The following ARHGEF12 variants were observed in gnomAD, a reference collection of about 807,000 sequenced individuals.
ARHGEF12 encodes Rho guanine nucleotide exchange factor 12, also known as KMT2A/ARHGEF12 fusion protein.
Under a neutral mutation model 211.2 loss-of-function variants are expected in ARHGEF12, and 66 were observed. The ratio of observed to expected loss-of-function variants is 0.31; its 90% CI spans 0.26 to 0.38. The LOEUF is 0.38. Among genes scored for constraint, ARHGEF12 ranks in the 10% least tolerant of loss-of-function variants. The probability of loss-of-function intolerance (pLI) is 1.00; values close to 1 mark genes in which losing one functional copy is unlikely to be tolerated. For missense variants in ARHGEF12, 1,429 were observed against 1,869.5 expected (o/e 0.76, Z 4.34); for synonymous variants, 592 against 638.4 (o/e 0.93, Z 1.09).
At position 120,448,328 on chromosome 11, in the gene ARHGEF12, G is replaced by A; in HGVS notation, c.1717G>A (p.Gly573Arg). 6.2e-7 allele frequency: 1 copy of A among 1,614,008 alleles called. No individual in the cohort carries two copies. The highest frequency in any genetic ancestry group is 8.5e-7 in the Non-Finnish European group (1 of 1,179,942). The stretch of plus-strand genomic sequence containing the variant: ...TTTGGAGCACAAACGGGGTCGGATT[G>A]GATTTCTTCCCAAAATCAAGGTAAG... The part of the protein sequence containing the change: ...RNLEHKRGRI[G>R]FLPKIKQSMK... Residue 573 changes from glycine to arginine, a missense_variant, in exon 20 of 41, where the codon GGA becomes AGA. Gly to Arg is a moderately radical substitution (Grantham distance 125). This residue lies in a region of ARHGEF12 where 373 missense variants were observed against 467.5 expected (regional missense o/e 0.80). Coordinates refer to ENST00000397843, the MANE Select transcript of ARHGEF12 (RefSeq NM_015313.3).
chr11:120,441,539 G>C (rs903457919), intron 13 of ARHGEF12, among the ~76,000 whole-genome samples, 168 bp from the exon 14 acceptor site: 13 of 152,298 alleles, frequency 8.5e-5, no homozygotes, highest in African/African-American at 3.1e-4. Flanking sequence ...TTCACAGAAA[G>C]AGATTCCATA....
chr11:120,429,405 GGTT>G (rs759671236), intron 8 of ARHGEF12, 32 bp from the exon 9 acceptor site: 1 of 1,550,580 alleles, frequency 6.4e-7, no homozygotes, highest in Non-Finnish European at 8.9e-7. Context: ...TGTCTATACT[GGTT>G]GTTGTTTGTT....
chr11:120,466,405 G>A (rs1006999342), intron 28 of ARHGEF12, among the ~76,000 whole-genome samples: 1 of 152,222 alleles, frequency 6.6e-6, no homozygotes, highest in African/African-American at 2.4e-5. Context: ...CAGGCCAGTA[G>A]GAATGTGGCT....
At chr11:120,432,834 C>T (rs1591585051) in intron 11 of ARHGEF12, among the ~76,000 whole-genome samples, 1 of 152,284 alleles carries the variant, frequency 6.6e-6, no homozygotes, top group East Asian at 1.9e-4. Flanking sequence ...TCTAAGCCAT[C>T]ATTCAGGCTA....
At chr11:120,378,884 G>A (rs1943803810) in intron 1 of ARHGEF12, among the ~76,000 whole-genome samples, 1 of 152,094 alleles carries the variant, frequency 6.6e-6, no homozygotes, top group South Asian at 2.1e-4. Flanking sequence ...TTTAAATAAG[G>A]TAATATAAGT....
At chr11:120,374,917 T>G (rs775791627) in intron 1 of ARHGEF12, among the ~76,000 whole-genome samples, 58 of 152,160 alleles carry the variant, frequency 3.8e-4, no homozygotes, top group Non-Finnish European at 7.5e-4. Context: ...ATTTCATAAA[T>G]TTTTGGATAT....
chr11:120,404,384 A>G (rs1305398670), intron 1 of ARHGEF12, among the ~76,000 whole-genome samples: 2 of 152,230 alleles, frequency 1.3e-5, no homozygotes, highest in Non-Finnish European at 2.9e-5. Flanking sequence ...ATGTACACAT[A>G]TATTTATTTG....
At chr11:120,398,681 C>T (rs1795064931) in intron 1 of ARHGEF12, among the ~76,000 whole-genome samples, 1 of 151,902 alleles carries the variant, frequency 6.6e-6, no homozygotes, top group Non-Finnish European at 1.5e-5. Flanking sequence ...CTCTTTAGTA[C>T]AAAACCAAAA....
intron 39 of ARHGEF12, among the ~76,000 whole-genome samples, chr11:120,482,310 T>C (rs1199052959): frequency 1.3e-5 from 2 of 152,200 alleles, no homozygotes; most frequent in African/African-American, 4.8e-5. Context: ...CCAAATCCTA[T>C]GACAGATAGA....
At chr11:120,448,431 TTTAC>T (rs1828133833) in intron 20 of ARHGEF12, 83 bp downstream of exon 20, 3 of 995,708 alleles carry the variant, frequency 3.0e-6, no homozygotes, top group Admixed American at 4.5e-5. Context: ...CATCTTAGTA[TTTAC>T]TTAATCAGCA....
At chr11:120,420,722 C>A in intron 4 of ARHGEF12, 31 bp from the exon 5 acceptor site, 1 of 1,567,908 alleles carries the variant, frequency 6.4e-7, no homozygotes. Flanking sequence ...TTTTCTCTTC[C>A]TTCTTGTTTT....
intron 12 of ARHGEF12, among the ~76,000 whole-genome samples, chr11:120,438,150 A>G (rs962915242): frequency 6.6e-6 from 1 of 152,226 alleles, no homozygotes; most frequent in Non-Finnish European, 1.5e-5. Context: ...ACAGTTTTGT[A>G]GTAAAAGATA....
At chr11:120,350,104 C>T (rs1942889453) in intron 1 of ARHGEF12, among the ~76,000 whole-genome samples, 1 of 152,108 alleles carries the variant, frequency 6.6e-6, no homozygotes, top group Admixed American at 6.5e-5. Flanking sequence ...AATGCCTGTT[C>T]TGTGTAGGTC....
At chr11:120,367,903 T>C (rs927569456) in intron 1 of ARHGEF12, among the ~76,000 whole-genome samples, 1 of 151,040 alleles carries the variant, frequency 6.6e-6, no homozygotes, top group Non-Finnish European at 1.5e-5. Flanking sequence ...GCCTGGGAGG[T>C]TGAGGAGGTT....
intron 22 of ARHGEF12, among the ~76,000 whole-genome samples, chr11:120,455,568 G>A (rs476636): frequency 0.82 from 125,526 of 152,180 alleles, 52,133 homozygotes; most frequent in East Asian, 0.94. Context: ...CTTTCCCTTT[G>A]AAATCATTTG....
chr11:120,477,830 G>T (rs1247083343), intron 36 of ARHGEF12, among the ~76,000 whole-genome samples: 1 of 145,006 alleles, frequency 6.9e-6, no homozygotes, highest in Non-Finnish European at 1.5e-5. Context: ...TCGTGCCATT[G>T]CACTCCAGCC....
chr11:120,338,440 G>T (rs1224579679), intron 1 of ARHGEF12, among the ~76,000 whole-genome samples: 3 of 152,136 alleles, frequency 2.0e-5, no homozygotes, highest in Non-Finnish European at 4.4e-5. Flanking sequence ...TCCTGTTGAT[G>T]CTTTCCAGCA....
intron 1 of ARHGEF12, among the ~76,000 whole-genome samples, chr11:120,361,232 A>G (rs989115234): frequency 6.6e-6 from 1 of 152,172 alleles, no homozygotes; most frequent in South Asian, 2.1e-4. Flanking sequence ...GCGAAAGAGC[A>G]TTACTGCCTG....
chr11:120,394,956 C>G lies in ARHGEF12; in HGVS notation c.33-11162C>G, dbSNP rs12283227. Among the ~76,000 whole-genome samples the G allele has an allele frequency of 2.0e-5, 3 of 147,504 alleles. No individual in the cohort carries two copies. In the Admixed American group the frequency reaches 2.1e-4, roughly 10 times the overall value. The stretch of plus-strand genomic sequence containing the variant: ...CCTGTAATCCCAGCTACCTGGGAGG[C>G]TGAGGGATGAGAATCGCTTGAGCCC... On this transcript the variant is annotated intron_variant, in intron 1 of 40. Coordinates refer to ENST00000397843, the MANE Select transcript of ARHGEF12 (RefSeq NM_015313.3).
Sources: allele counts gnomAD v4.1 joint callset (sites outside exome capture counted in the v4.1 genomes callset), GRCh38; gene constraint gnomAD v4.1.1; regional missense constraint gnomAD v4.1.1; transcripts MANE v1.5; gene names NCBI Gene and HGNC (gene_info 2026-07-23, HGNC 2026-07-21).